Variants in DGKG observed in about 807,000 individuals in gnomAD.
The protein encoded by DGKG is diacylglycerol kinase gamma.
A neutral mutation model predicts 105.3 loss-of-function variants in DGKG; 78 were observed. The observed-to-expected ratio is 0.74, with a 90% CI of 0.62 to 0.89. DGKG has a LOEUF of 0.89. Among genes scored for constraint, DGKG ranks in the 40% least tolerant of loss-of-function variants. The probability of loss-of-function intolerance (pLI) is 0.00; values close to 1 mark genes in which losing one functional copy is unlikely to be tolerated. For synonymous variants in DGKG, 346 were observed against 367.1 expected (o/e 0.94, Z 0.66); for missense variants, 958 against 1,020.1 (o/e 0.94, Z 0.83).
intron 2 of DGKG, among the ~76,000 whole-genome samples, chr3:186,317,646 C>G (rs756541615): frequency 6.6e-6 from 1 of 152,192 alleles, no homozygotes; most frequent in Non-Finnish European, 1.5e-5. Context: ...GCCCTTCTCC[C>G]TCCCTGCCCT....
intron 20 of DGKG, among the ~76,000 whole-genome samples, chr3:186,227,626 T>C (rs1428303826): frequency 6.6e-6 from 1 of 152,198 alleles, no homozygotes; most frequent in African/African-American, 2.4e-5. Flanking sequence ...ATAAGTACAG[T>C]GAAAGCTTGC....
chr3:186,159,418 T>C (rs1274711452), intron 24 of DGKG: 1 of 152,236 alleles, frequency 6.6e-6, no homozygotes. Context: ...CTGCATGTTT[T>C]TGGCCTTTGT....
chr3:186,193,986 A>T (rs4686746), intron 21 of DGKG, among the ~76,000 whole-genome samples: 92,914 of 152,204 alleles, frequency 0.61, 28,602 homozygotes, highest in East Asian at 0.75. Flanking sequence ...GTGCACACGC[A>T]TGAAATCGTG....
chr3:186,346,140 CCTAT>C (rs1236066777), intron 1 of DGKG, among the ~76,000 whole-genome samples: 1 of 152,160 alleles, frequency 6.6e-6, no homozygotes, highest in Non-Finnish European at 1.5e-5. Context: ...GTACTAGTTG[CCTAT>C]CTTTTACACT....
chr3:186,218,528 G>GAAAAAAA (rs1719416049), intron 20 of DGKG, among the ~76,000 whole-genome samples: 1 of 80,358 alleles, frequency 1.2e-5, no homozygotes, highest in Non-Finnish European at 2.6e-5. Flanking sequence ...AAAAAAAAAT[G>GAAAAAAA]AAAGACTCGG....
intron 17 of DGKG, among the ~76,000 whole-genome samples, chr3:186,255,381 A>T (rs558693044): frequency 6.6e-6 from 1 of 152,376 alleles, no homozygotes. Context: ...GTTGGAAAAC[A>T]AACAGAGGAG....
Position 186,171,948 on chromosome 3 carries a change from C to G in DGKG, c.2096-6930G>C, listed in dbSNP as rs186051276. ...TTGGCTCACTGCAACCTCTGCCTCC[C>G]AGGTTCAAGAGATTCTCCCACCTCA... On this transcript the variant is annotated intron_variant, in intron 22 of 24. Transcript: ENST00000265022. Among the ~76,000 whole-genome samples, 751 of 152,162 alleles carry G rather than the reference C, an allele frequency of 4.9e-3. 6 individuals carry two copies. The highest frequency in any genetic ancestry group is 0.015 in the Admixed American group (222 of 15,292).
chr3:186,152,995 A>T (rs1245719945), intron 24 of DGKG, among the ~76,000 whole-genome samples: 3 of 147,674 alleles, frequency 2.0e-5, no homozygotes, highest in African/African-American at 7.5e-5. Flanking sequence ...TAGATGACAC[A>T]AGACCCTTGC....
chr3:186,212,051 C>A (rs1182253587), intron 20 of DGKG, among the ~76,000 whole-genome samples, 166 bp from the exon 21 acceptor site: 1 of 152,234 alleles, frequency 6.6e-6, no homozygotes, highest in Non-Finnish European at 1.5e-5. Flanking sequence ...TTTTTACCAA[C>A]TGTTCTTGCT....
intron 21 of DGKG, among the ~76,000 whole-genome samples, chr3:186,198,920 G>A (rs189082283): frequency 6.6e-6 from 1 of 152,192 alleles, no homozygotes; most frequent in Admixed American, 6.5e-5. Flanking sequence ...GATGTATTGA[G>A]TGGCGACAAC....
At chr3:186,341,398 G>C (rs556973599) in intron 1 of DGKG, among the ~76,000 whole-genome samples, 1 of 152,360 alleles carries the variant, frequency 6.6e-6, no homozygotes, top group African/African-American at 2.4e-5. Flanking sequence ...TGTAGTCCTA[G>C]CTACTTGGGA....
chr3:186,200,553 G>A (rs2108510514), intron 21 of DGKG, among the ~76,000 whole-genome samples: 1 of 152,322 alleles, frequency 6.6e-6, no homozygotes, highest in Non-Finnish European at 1.5e-5. Flanking sequence ...CTTTTGTGGA[G>A]TGGTAAGTGG....
At chr3:186,236,909 C>T (rs1450040452) in intron 20 of DGKG, among the ~76,000 whole-genome samples, 2 of 152,238 alleles carry the variant, frequency 1.3e-5, no homozygotes, top group Non-Finnish European at 2.9e-5. Flanking sequence ...TTCTAACCAA[C>T]AATGAAAACA....
chr3:186,162,476 A>T (rs1716341828), intron 23 of DGKG, among the ~76,000 whole-genome samples: 1 of 152,246 alleles, frequency 6.6e-6, no homozygotes, highest in Non-Finnish European at 1.5e-5. Context: ...TCCAATTTAT[A>T]CAACATACAG....
At chr3:186,305,368 G>A (rs1724183440) in intron 3 of DGKG, among the ~76,000 whole-genome samples, 1 of 152,224 alleles carries the variant, frequency 6.6e-6, no homozygotes, top group Admixed American at 6.5e-5. Flanking sequence ...AAGCACAATG[G>A]TGCTGAGGTT....
chr3:186,258,271 C>T (rs2108570039), intron 16 of DGKG, among the ~76,000 whole-genome samples: 1 of 152,282 alleles, frequency 6.6e-6, no homozygotes, highest in Admixed American at 6.5e-5. Context: ...TGTTTTCACT[C>T]CTCTCGGGCT....
At position 186,261,021 on chromosome 3, in the gene DGKG, G is replaced by T. The variant is rs373951932; in HGVS notation, c.1350-508C>A. 3.3e-5 allele frequency among the ~76,000 whole-genome samples: 5 copies of T among 152,276 alleles called. No individual in the cohort carries two copies. The East Asian group carries it at 9.7e-4, about 29-fold the overall frequency. On this transcript the variant is annotated intron_variant, in intron 15 of 24. Coordinates refer to ENST00000265022, the MANE Select transcript of DGKG (RefSeq NM_001346.3). ...GGGAGGGCGCTGAGAGGCCGTGACT[G>T]CACCCAGGCCTGCTTTCCTGGCTCC...
rs1242040489 is a variant in DGKG, at chr3:186,244,406, TG to T, written c.1762-1839del. Among the ~76,000 whole-genome samples, 563 of 134,238 alleles carry T rather than the reference TG, an allele frequency of 4.2e-3. 4 individuals carry two copies. Among genetic ancestry groups the T allele is most frequent in the African/African-American group, 0.017 (471 of 27,074 alleles). The allele number at this position is 134,238 out of a possible 152,430, so 88.1% of individuals were successfully genotyped here. A position where few individuals can be genotyped will look rare whatever the true frequency, so the allele number is the denominator to read the frequency against. On this transcript the variant is annotated intron_variant, in intron 19 of 24. Transcript: ENST00000265022. ...TTAAAATTTAAACTTTAGCTATTGA[TG>T]TTTTTTTTTTTTTTTGAGATAGAGT... is the stretch of plus-strand genomic sequence containing the variant.
chr3:186,257,958 G>A lies in DGKG; in HGVS notation c.1425-19C>T, dbSNP rs758953614. 1.9e-6 allele frequency: 3 copies of A among 1,589,280 alleles called. No individual in the cohort carries two copies. The South Asian group carries it at 3.3e-5, about 18-fold the overall frequency. On this transcript the variant is annotated intron_variant, in intron 16 of 24. Coordinates refer to ENST00000265022, the MANE Select transcript of DGKG (RefSeq NM_001346.3). ...GTTCAACCTGGGAAGAAGAAGAAAG[G>A]CCAAAATGGGCTTGTTACTAGGTTG...
Sources: allele counts gnomAD v4.1 joint callset (sites outside exome capture counted in the v4.1 genomes callset), GRCh38; gene constraint gnomAD v4.1.1; transcripts MANE v1.5; gene names NCBI Gene and HGNC (gene_info 2026-07-23, HGNC 2026-07-21).